ADAMTS3: variants seen among roughly 807,000 people sequenced by gnomAD.
ADAMTS3 encodes ADAM metallopeptidase with thrombospondin type 1 motif 3.
A neutral mutation model predicts 129.0 loss-of-function variants in ADAMTS3; 73 were observed. The ratio of observed to expected loss-of-function variants is 0.57; its 90% CI spans 0.47 to 0.69. The LOEUF is 0.69. ADAMTS3 is among the 30% of genes least tolerant of loss of function. ADAMTS3 has a pLI of 0.00. For synonymous variants in ADAMTS3, 477 were observed against 510.8 expected, an observed-to-expected ratio of 0.93 and a Z score of 0.89; for missense variants, 1,457 against 1,514.5, an observed-to-expected ratio of 0.96 and a Z score of 0.63.
intron 4 of ADAMTS3, among the ~76,000 whole-genome samples, chr4:72,356,713 A>G (rs1037054389): frequency 6.6e-6 from 1 of 151,828 alleles, no homozygotes; most frequent in Non-Finnish European, 1.5e-5. Context: ...TACAAAACCA[A>G]TACACAAAAT....
Position 72,282,716 on chromosome 4 carries a change from A to G in ADAMTS3, c.*420T>C, listed in dbSNP as rs1402111673. 1 of 155,498 alleles carries G rather than the reference A, an allele frequency of 6.4e-6. No individual in the cohort carries two copies. Among genetic ancestry groups the G allele is most frequent in the African/African-American group, 2.4e-5 (1 of 41,512 alleles). The allele number at this position is 155,498 out of a possible 1,614,324, so 9.6% of individuals were successfully genotyped here. ...ATTTCTAATATAGATAAATAGGAAT[A>G]CAAGTCTAAGAATTCTTTGTTCCAT... On this transcript the variant is annotated 3_prime_UTR_variant, in exon 22 of 22. Coordinates refer to ENST00000286657, the MANE Select transcript of ADAMTS3 (RefSeq NM_014243.3).
intron 20 of ADAMTS3, among the ~76,000 whole-genome samples, chr4:72,289,239 A>G (rs1718596656): frequency 1.3e-5 from 2 of 152,340 alleles, no homozygotes; most frequent in African/African-American, 2.4e-5. Context: ...ATCATATGAA[A>G]GAAGCCATGA....
At chr4:72,476,905 T>TA (rs1348066026) in intron 3 of ADAMTS3, among the ~76,000 whole-genome samples, 3 of 152,182 alleles carry the variant, frequency 2.0e-5, no homozygotes, top group African/African-American at 7.2e-5. Context: ...AGGATTTATT[T>TA]AAAATCACAT....
At chr4:72,404,944 T>C (rs1018279758) in intron 4 of ADAMTS3, among the ~76,000 whole-genome samples, 5 of 151,618 alleles carry the variant, frequency 3.3e-5, no homozygotes, top group Non-Finnish European at 7.4e-5. Context: ...AACAGACATA[T>C]GAAAAGATAC....
intron 4 of ADAMTS3, among the ~76,000 whole-genome samples, chr4:72,402,863 G>C (rs1402583003): frequency 6.6e-6 from 1 of 152,040 alleles, no homozygotes; most frequent in Non-Finnish European, 1.5e-5. Context: ...GAGGTGGTGT[G>C]GGGGGAGTGT....
intron 3 of ADAMTS3, among the ~76,000 whole-genome samples, chr4:72,530,697 CAT>C (rs1346494459): frequency 2.5e-5 from 2 of 79,032 alleles, no homozygotes; most frequent in Non-Finnish European, 4.4e-5. Context: ...TATATTGTAT[CAT>C]ATATTATATA....
intron 3 of ADAMTS3, among the ~76,000 whole-genome samples, chr4:72,495,595 G>A (rs1373761189): frequency 2.0e-5 from 3 of 152,006 alleles, no homozygotes; most frequent in Non-Finnish European, 4.4e-5. Flanking sequence ...AAATACACAG[G>A]TAAGGCTACA....
chr4:72,493,897 T>C (rs1035352301), intron 3 of ADAMTS3, among the ~76,000 whole-genome samples: 4 of 152,106 alleles, frequency 2.6e-5, no homozygotes, highest in Non-Finnish European at 5.9e-5. Flanking sequence ...TAATATATCA[T>C]ACAAATCACT....
At position 72,548,762 on chromosome 4, in the gene ADAMTS3, AC is replaced by A; in HGVS notation, c.219del (p.Ser74LeufsTer22). On this transcript the variant is annotated frameshift_variant, in exon 3 of 22. Coordinates refer to ENST00000286657, the MANE Select transcript of ADAMTS3 (RefSeq NM_014243.3). LOFTEE classifies it high-confidence loss of function. Reference sequence around the variant, plus strand: ...AAGAACAACTGCTCAGGGTTGGAAGACACGTCCCTCGCTGACCTCTTTTTGT... The same window carrying A: ...AAGAACAACTGCTCAGGGTTGGAAGAACGTCCCTCGCTGACCTCTTTTTGT... ...ASHKKRSARDVSSNPEQLFFN... is the reference protein window; with the variant it reads ...ASHKKRSARDXSSNPEQLFFN... 1 of 1,613,986 alleles carries A rather than the reference AC, an allele frequency of 6.2e-7. No homozygotes were observed. Among genetic ancestry groups the A allele is most frequent in the South Asian group, 1.1e-5 (1 of 91,088 alleles).
intron 4 of ADAMTS3, among the ~76,000 whole-genome samples, chr4:72,389,240 G>A (rs1721523410): frequency 6.6e-6 from 1 of 151,994 alleles, no homozygotes; most frequent in Admixed American, 6.6e-5. Flanking sequence ...ATTCTTTACC[G>A]CACAGGTATC....
chr4:72,303,179 C>T (rs947010297), intron 17 of ADAMTS3, among the ~76,000 whole-genome samples: 2 of 152,116 alleles, frequency 1.3e-5, no homozygotes, highest in Non-Finnish European at 2.9e-5. Flanking sequence ...ACCACCTAGG[C>T]ACATAAACCA....
At chr4:72,308,153 G>T (rs1034380596) in intron 15 of ADAMTS3, among the ~76,000 whole-genome samples, 7 of 151,860 alleles carry the variant, frequency 4.6e-5, no homozygotes, top group African/African-American at 1.7e-4. Context: ...AATTACATTT[G>T]ACTCCACTGA....
chr4:72,548,783 T>C lies in ADAMTS3; in HGVS notation c.199A>G (p.Lys67Glu). The change falls in exon 3 of 22, where the codon AAG becomes GAG. Residue 67 changes from lysine (K) to glutamate (E), a missense_variant. By Grantham distance (56) the Lys-to-Glu change is moderately conservative. Transcript: ENST00000286657. ...GAAGACACGTCCCTCGCTGACCTCT[T>C]TTTGTGACTCGCAGAAAGAGTATGG... ...LSHTLSASHK[K>E]RSARDVSSNP... 6.2e-7 allele frequency: 1 copy of C among 1,613,940 alleles called. No homozygotes were observed.
chr4:72,549,958 A>AG (rs1488667482), intron 2 of ADAMTS3, among the ~76,000 whole-genome samples: 1 of 41,828 alleles, frequency 2.4e-5, no homozygotes, highest in East Asian at 6.1e-4. Context: ...GGTAAAAAAA[A>AG]AAAAAAGAAG....
intron 18 of ADAMTS3, 71 bp downstream of exon 18, chr4:72,298,206 A>C: frequency 7.6e-7 from 1 of 1,319,426 alleles, no homozygotes; most frequent in East Asian, 2.4e-5. Flanking sequence ...TAGAGACAGC[A>C]ATAAAGGTAG....
intron 3 of ADAMTS3, among the ~76,000 whole-genome samples, chr4:72,511,896 TGTG>T (rs1720324712): frequency 2.0e-5 from 3 of 152,022 alleles, no homozygotes; most frequent in Admixed American, 1.3e-4. Flanking sequence ...ATAAAGAAAA[TGTG>T]GTACATACAC....
intron 4 of ADAMTS3, among the ~76,000 whole-genome samples, chr4:72,378,676 T>C (rs542978201): frequency 2.0e-5 from 3 of 152,046 alleles, no homozygotes; most frequent in African/African-American, 7.2e-5. Context: ...ACAGAAGTTA[T>C]AATGATTATC....
intron 3 of ADAMTS3, among the ~76,000 whole-genome samples, chr4:72,516,334 C>A (rs187517386): frequency 3.1e-4 from 47 of 152,180 alleles, no homozygotes; most frequent in Admixed American, 5.2e-4. Flanking sequence ...TTTTTTGTTC[C>A]ATATGAACTT....
chr4:72,534,690 C>T (rs774346097), intron 3 of ADAMTS3, among the ~76,000 whole-genome samples: 2 of 152,170 alleles, frequency 1.3e-5, no homozygotes, highest in Non-Finnish European at 2.9e-5. Flanking sequence ...AAAAGAATCA[C>T]TGACCTAATT....
Sources: gnomAD v4.1 joint callset for allele counts (sites outside exome capture counted in the v4.1 genomes callset) on GRCh38, gnomAD v4.1.1 for gene constraint, MANE v1.5 for transcripts, NCBI Gene and HGNC (gene_info 2026-07-23, HGNC 2026-07-21) for gene names.